Variants in SLC30A8 observed in about 807,000 individuals in gnomAD.
SLC30A8 encodes solute carrier family 30 member 8.
SLC30A8 carries 27 observed loss-of-function variants against 36.9 expected under a neutral mutation model. That is an observed-to-expected ratio of 0.73 (90% CI 0.54 to 1.01). The LOEUF is 1.01. SLC30A8 is among the 50% of genes least tolerant of loss of function. SLC30A8 has a pLI of 0.00. For missense variants in SLC30A8, 439 were observed against 452.0 expected, an observed-to-expected ratio of 0.97 and a Z score of 0.26; for synonymous variants, 164 against 172.4, an observed-to-expected ratio of 0.95 and a Z score of 0.38.
At chr8:117,115,193 G>C (rs73315697) in intron 2 of SLC30A8, among the ~76,000 whole-genome samples, 8,188 of 152,016 alleles carry the variant, frequency 0.054, 573 homozygotes, top group African/African-American at 0.16. Flanking sequence ...TCCTGCCTTG[G>C]CCTTCCAAAC....
chr8:116,964,850 A>C (rs1814545172), intron 1 of SLC30A8, among the ~76,000 whole-genome samples: 1 of 152,196 alleles, frequency 6.6e-6, no homozygotes, highest in African/African-American at 2.4e-5. Context: ...TAAAAGTAGT[A>C]AATCTTTAAG....
intron 2 of SLC30A8, among the ~76,000 whole-genome samples, chr8:117,088,574 A>G (rs1271953269): frequency 6.6e-6 from 1 of 152,198 alleles, no homozygotes; most frequent in African/African-American, 2.4e-5. Flanking sequence ...TAGATTTGCC[A>G]GTTGCAGCTG....
chr8:117,172,500 A>G lies in SLC30A8; in HGVS notation c.965-36A>G, dbSNP rs766260910. The G allele has an allele frequency of 3.1e-6, 5 of 1,613,166 alleles. No homozygotes were observed. The African/African-American group carries it at 6.7e-5, about 22-fold the overall frequency. On this transcript the variant is annotated intron_variant, in intron 7 of 7. Coordinates refer to ENST00000456015, the MANE Select transcript of SLC30A8 (RefSeq NM_173851.3). Reference sequence around the variant, plus strand: ...CAGAGCAGTCGCCCATGCGTGTGCAATCAGTGCTAATCTCCCTGTGCTTCT... The same window carrying G: ...CAGAGCAGTCGCCCATGCGTGTGCAGTCAGTGCTAATCTCCCTGTGCTTCT...
At chr8:117,015,283 C>T (rs1816479259) in intron 1 of SLC30A8, among the ~76,000 whole-genome samples, 1 of 152,028 alleles carries the variant, frequency 6.6e-6, no homozygotes, top group African/African-American at 2.4e-5. Context: ...AATACGATGC[C>T]AGTCACCTTA....
At chr8:117,166,859 T>C (rs952902284) in intron 6 of SLC30A8, among the ~76,000 whole-genome samples, 2 of 150,612 alleles carry the variant, frequency 1.3e-5, no homozygotes, top group Non-Finnish European at 2.9e-5. Flanking sequence ...TCACACTTCG[T>C]TAGTGTTCAC....
At chr8:116,985,881 A>G (rs535734390) in intron 1 of SLC30A8, among the ~76,000 whole-genome samples, 1 of 152,328 alleles carries the variant, frequency 6.6e-6, no homozygotes, top group East Asian at 1.9e-4. Flanking sequence ...GTTATCAAGG[A>G]ACACAGTTTT....
chr8:116,999,629 A>G (rs1272214630), intron 1 of SLC30A8, among the ~76,000 whole-genome samples: 1 of 152,234 alleles, frequency 6.6e-6, no homozygotes, highest in East Asian at 1.9e-4. Context: ...GATGCAATTA[A>G]TTCTATTGCA....
chr8:117,015,813 A>G (rs1816498545), intron 1 of SLC30A8, among the ~76,000 whole-genome samples: 1 of 152,188 alleles, frequency 6.6e-6, no homozygotes, highest in Non-Finnish European at 1.5e-5. Context: ...TTCTCTTCAA[A>G]TGATCCTAAT....
chr8:116,957,811 C>T (rs1303759247), intron 1 of SLC30A8, among the ~76,000 whole-genome samples: 1 of 152,092 alleles, frequency 6.6e-6, no homozygotes, highest in African/African-American at 2.4e-5. Context: ...ATATTTATTC[C>T]CATCAGAAAA....
chr8:117,088,554 T>C (rs1438683825), intron 2 of SLC30A8, among the ~76,000 whole-genome samples: 1 of 152,154 alleles, frequency 6.6e-6, no homozygotes, highest in Non-Finnish European at 1.5e-5. Context: ...CATCTCCCAT[T>C]TCTGTAAACT....
chr8:117,172,421 C>T, intron 7 of SLC30A8, 115 bp from the exon 8 acceptor site: 6 of 1,397,790 alleles, frequency 4.3e-6, no homozygotes, highest in South Asian at 2.3e-5. Flanking sequence ...CCTCTGAGTG[C>T]CCTGCCTCTG....
rs1586568806 is a variant in SLC30A8 at position 117,135,102 on chromosome 8, G to C, written c.-226G>C. The C allele has an allele frequency of 1.5e-4, 56 of 385,782 alleles. No individual in the cohort carries two copies. The East Asian group carries it at 2.1e-3, about 15-fold the overall frequency. The allele number at this position is 385,782 out of a possible 1,614,324, so 23.9% of individuals were successfully genotyped here. A position where few individuals can be genotyped will look rare whatever the true frequency, so the allele number is the denominator to read the frequency against. The stretch of plus-strand genomic sequence containing the variant: ...ACCTGCAAGTCTCCCTAGAAAAGCA[G>C]TTTTTGTAGGTGAAAACAATGAAGC... On this transcript the variant is annotated 5_prime_UTR_variant, in exon 1 of 8. Transcript: ENST00000456015.
chr8:117,034,875 AACAG>A (rs1234250417), intron 1 of SLC30A8, among the ~76,000 whole-genome samples: 7 of 152,146 alleles, frequency 4.6e-5, no homozygotes, highest in Middle Eastern at 3.2e-3. Flanking sequence ...CAGAGAAAGA[AACAG>A]ACAGAAAGAG....
intron 2 of SLC30A8, among the ~76,000 whole-genome samples, chr8:117,060,881 T>A (rs1341297234): frequency 1.3e-5 from 2 of 152,228 alleles, no homozygotes; most frequent in Non-Finnish European, 2.9e-5. Flanking sequence ...TAGTTCAAAA[T>A]GTATTTTGGA....
chr8:117,021,988 ATTG>A (rs1305248823), intron 1 of SLC30A8, among the ~76,000 whole-genome samples: 2 of 152,012 alleles, frequency 1.3e-5, no homozygotes, highest in South Asian at 2.1e-4. Flanking sequence ...TACTAGATAA[ATTG>A]TTGTGCAAAT....
intron 2 of SLC30A8, among the ~76,000 whole-genome samples, chr8:117,119,850 A>G (rs1026762096): frequency 2.6e-5 from 4 of 151,982 alleles, no homozygotes; most frequent in Admixed American, 6.6e-5. Flanking sequence ...ACCATGAACT[A>G]TCAGAAAAGA....
chr8:117,056,914 A>G (rs1378660190), intron 2 of SLC30A8, among the ~76,000 whole-genome samples: 2 of 152,192 alleles, frequency 1.3e-5, no homozygotes, highest in East Asian at 1.9e-4. Context: ...CTAGAGTTTC[A>G]CTAGTAATAC....
chr8:117,078,377 C>T (rs1348465933), intron 2 of SLC30A8, among the ~76,000 whole-genome samples: 1 of 152,174 alleles, frequency 6.6e-6, no homozygotes, highest in Admixed American at 6.5e-5. Flanking sequence ...TTTCACAAAA[C>T]CCTATGAGAT....
At chr8:116,974,534 A>G (rs1248117533) in intron 1 of SLC30A8, among the ~76,000 whole-genome samples, 2 of 152,180 alleles carry the variant, frequency 1.3e-5, no homozygotes, top group African/African-American at 4.8e-5. Flanking sequence ...AAGTCAGGAA[A>G]CAACAGATGC....
Sources: allele counts gnomAD v4.1 joint callset (sites outside exome capture counted in the v4.1 genomes callset), GRCh38; gene constraint gnomAD v4.1.1; transcripts MANE v1.5; gene names NCBI Gene and HGNC (gene_info 2026-07-23, HGNC 2026-07-21).